The following UNC13B variants were observed in gnomAD, a reference collection of about 807,000 sequenced individuals.
UNC13B encodes the protein unc-13 homolog B.
A neutral mutation model predicts 211.0 loss-of-function variants in UNC13B; 144 were observed. The observed-to-expected ratio is 0.68, with a 90% CI of 0.60 to 0.78. The LOEUF (loss-of-function observed/expected upper bound fraction) is 0.78. Ranked by LOEUF, UNC13B falls within the 30% of genes least tolerant of loss-of-function variation. The probability of loss-of-function intolerance (pLI) is 0.00; values close to 1 mark genes in which losing one functional copy is unlikely to be tolerated. For missense variants in UNC13B, 1,777 were observed against 2,002.0 expected, an observed-to-expected ratio of 0.89 and a Z score of 2.14; for synonymous variants, 709 against 725.8, an observed-to-expected ratio of 0.98 and a Z score of 0.37.
intron 11 of UNC13B, among the ~76,000 whole-genome samples, chr9:35,337,778 G>A (rs1174541826): frequency 6.6e-6 from 1 of 152,204 alleles, no homozygotes. Flanking sequence ...AGAAACAGGG[G>A]CCTAAGCCAG....
chr9:35,321,197 T>G lies in UNC13B; in HGVS notation c.9414+7208T>G, dbSNP rs553475810. Among the ~76,000 whole-genome samples the G allele has an allele frequency of 5.3e-5, 8 of 152,248 alleles. No homozygotes were observed. In the East Asian group the frequency reaches 1.5e-3, roughly 29 times the overall value. On this transcript the variant is annotated intron_variant, in intron 11 of 39. Coordinates refer to ENST00000635942, the MANE Select transcript of UNC13B (RefSeq NM_001371189.2). ...GATTAATATTCTCTTATATAGGTAT[T>G]TTATAATATTCCTCTTGTTTCTTTC...
intron 11 of UNC13B, among the ~76,000 whole-genome samples, chr9:35,336,975 G>C (rs551674398): frequency 5.3e-5 from 8 of 152,208 alleles, no homozygotes; most frequent in Non-Finnish European, 1.0e-4. Context: ...GGATGAGATG[G>C]CACATTAAGT....
chr9:35,245,154 G>T (rs1826016329), intron 6 of UNC13B, among the ~76,000 whole-genome samples: 1 of 151,896 alleles, frequency 6.6e-6, no homozygotes, highest in South Asian at 2.1e-4. Flanking sequence ...TCCTAGTAAA[G>T]AAGCATGTTG....
chr9:35,279,147 A>G (rs892632984), intron 7 of UNC13B, among the ~76,000 whole-genome samples: 3 of 152,142 alleles, frequency 2.0e-5, no homozygotes, highest in African/African-American at 7.2e-5. Context: ...GTTCCAAAAC[A>G]TTTTTATCCC....
chr9:35,356,062 A>G (rs1399952445), intron 11 of UNC13B, among the ~76,000 whole-genome samples: 1 of 152,216 alleles, frequency 6.6e-6, no homozygotes, highest in African/African-American at 2.4e-5. Flanking sequence ...TAAAGCACCA[A>G]TAAGAAAGCA....
Position 35,370,304 on chromosome 9 carries a change from T to G in UNC13B, c.9462-14T>G, listed in dbSNP as rs1187048891. The G allele has an allele frequency of 6.2e-7, 1 of 1,613,080 alleles. No homozygotes were observed. The highest frequency in any genetic ancestry group is 8.5e-7 in the Non-Finnish European group (1 of 1,179,548). ...CAAGACTGACGGTCCTGACATATTTTCTTCTCTCCTCAGGCCAGCCGGAGG... is the reference window on the plus strand; with the variant it reads ...CAAGACTGACGGTCCTGACATATTTGCTTCTCTCCTCAGGCCAGCCGGAGG... On this transcript the variant is annotated splice_polypyrimidine_tract_variant and intron_variant, in intron 12 of 39. Coordinates refer to ENST00000635942, the MANE Select transcript of UNC13B (RefSeq NM_001371189.2).
chr9:35,266,174 C>A (rs1199612176), intron 7 of UNC13B, among the ~76,000 whole-genome samples: 1 of 152,160 alleles, frequency 6.6e-6, no homozygotes, highest in Non-Finnish European at 1.5e-5. Context: ...CTGTTAACTT[C>A]AGTTTCTTGA....
At chr9:35,396,337 C>A in intron 26 of UNC13B, 139 bp from the exon 27 acceptor site, 1 of 1,019,878 alleles carries the variant, frequency 9.8e-7, no homozygotes, top group Non-Finnish European at 1.4e-6. Flanking sequence ...GGAGAGATGG[C>A]TGTGAGAAGG....
chr9:35,291,092 G>A (rs778081466), intron 7 of UNC13B: 11 of 1,550,216 alleles, frequency 7.1e-6, no homozygotes, highest in Non-Finnish European at 9.6e-6. Flanking sequence ...TTTGGGCTGG[G>A]GAGAACAACA....
At position 35,399,380 on chromosome 9, in the gene UNC13B, C is replaced by T; in HGVS notation, c.12199-12C>T. 1 of 1,614,112 alleles carries T rather than the reference C, an allele frequency of 6.2e-7. No individual in the cohort carries two copies. The highest frequency in any genetic ancestry group is 1.1e-5 in the South Asian group (1 of 91,080). ...GGGTCCTCTGCTTTTGACTGATTCCCTCTCTGCCCAGGGCACCCAGCTGAT... is the reference window on the plus strand; with the variant it reads ...GGGTCCTCTGCTTTTGACTGATTCCTTCTCTGCCCAGGGCACCCAGCTGAT... On this transcript the variant is annotated splice_polypyrimidine_tract_variant and intron_variant, in intron 34 of 39. Coordinates refer to ENST00000635942, the MANE Select transcript of UNC13B (RefSeq NM_001371189.2).
intron 7 of UNC13B, among the ~76,000 whole-genome samples, chr9:35,272,900 A>G (rs921625698): frequency 3.3e-5 from 5 of 152,136 alleles, no homozygotes; most frequent in African/African-American, 4.8e-5. Flanking sequence ...TCTGGGGTCT[A>G]TGTTATTTCT....
chr9:35,305,119 G>T lies in UNC13B; in HGVS notation c.5715G>T (p.Gln1905His). Reference sequence around the variant, plus strand: ...AGAATTATGAGCTTCCCCAGGGCCAGTCATCCAAAGAGTCTGATAAAACAT... The same window carrying T: ...AGAATTATGAGCTTCCCCAGGGCCATTCATCCAAAGAGTCTGATAAAACAT... The part of the protein sequence containing the change: ...ERENYELPQG[Q>H]SSKESDKTLF... Residue 1905 changes from glutamine (Q) to histidine (H), a missense_variant, in exon 9 of 40, where the codon CAG becomes CAT. By Grantham distance (24) the Gln-to-His change is conservative. Transcript: ENST00000635942. The T allele has an allele frequency of 2.5e-6, 1 of 398,914 alleles. No homozygotes were observed. Among genetic ancestry groups the T allele is most frequent in the Non-Finnish European group, 4.4e-6 (1 of 225,992 alleles). 24.7% of individuals were successfully genotyped at this position (398,914 alleles called of 1,614,324 possible).
At chr9:35,320,371 A>G (rs1371810359) in intron 11 of UNC13B, among the ~76,000 whole-genome samples, 1 of 152,190 alleles carries the variant, frequency 6.6e-6, no homozygotes, top group East Asian at 1.9e-4. Flanking sequence ...CCTACCCCCA[A>G]AAGTATATGC....
chr9:35,398,942 G>C lies in UNC13B; in HGVS notation c.11982G>C (p.Arg3994=). The C allele has an allele frequency of 3.1e-6, 5 of 1,614,198 alleles. No individual in the cohort carries two copies. The highest frequency in any genetic ancestry group is 3.4e-6 in the Non-Finnish European group (4 of 1,180,036). ...TGGCCGACATCCTGGGCCAGGTTCG[G>C]GGCACAGGGAATGCATCTCCAGACG... ...RQMADILGQV[R]GTGNASPDAR... Residue 3994 remains arginine, a synonymous_variant, in exon 33 of 40, where the codon CGG becomes CGC. Coordinates refer to ENST00000635942, the MANE Select transcript of UNC13B (RefSeq NM_001371189.2).
rs1034870670 is a variant in UNC13B, at chr9:35,305,936, A to G, written c.6532A>G (p.Thr2178Ala). The G allele has an allele frequency of 1.3e-5, 5 of 398,848 alleles. No homozygotes were observed. The highest frequency in any genetic ancestry group is 1.0e-4 in the African/African-American group (5 of 48,612). The allele number at this position is 398,848 out of a possible 1,614,324, so 24.7% of individuals were successfully genotyped here. Residue 2178 changes from threonine (T) to alanine (A), a missense_variant, in exon 9 of 40, where the codon ACT (threonine) becomes GCT (alanine). By Grantham distance (58) the Thr-to-Ala change is moderately conservative. Transcript: ENST00000635942. ...SEKSENRASA[T>A]LPRAKSQAEG... The stretch of plus-strand genomic sequence containing the variant: ...AAAATCTGAGAACAGAGCCTCTGCT[A>G]CTCTACCAAGAGCCAAATCTCAGGC...
At chr9:35,270,264 A>G (rs1827799483) in intron 7 of UNC13B, among the ~76,000 whole-genome samples, 1 of 152,086 alleles carries the variant, frequency 6.6e-6, no homozygotes. Flanking sequence ...TCATACTGGT[A>G]TCACCAATTA....
At chr9:35,290,971 A>G in intron 7 of UNC13B, 1 of 1,218,314 alleles carries the variant, frequency 8.2e-7, no homozygotes, top group Non-Finnish European at 1.2e-6. Context: ...TAAGTAAGGT[A>G]AGGCACATAA....
At chr9:35,167,394 G>C (rs1249296301) in intron 1 of UNC13B, among the ~76,000 whole-genome samples, 2 of 152,036 alleles carry the variant, frequency 1.3e-5, no homozygotes, top group Non-Finnish European at 2.9e-5. Context: ...TGCATGGCCC[G>C]AGATAATTCT....
chr9:35,391,790 G>A (rs1238506279), intron 26 of UNC13B, among the ~76,000 whole-genome samples: 1 of 152,200 alleles, frequency 6.6e-6, no homozygotes, highest in Non-Finnish European at 1.5e-5. Context: ...AGTAGTGTGA[G>A]GTGGGGCAGA....
Sources: allele counts gnomAD v4.1 joint callset (sites outside exome capture counted in the v4.1 genomes callset), GRCh38; gene constraint gnomAD v4.1.1; transcripts MANE v1.5; gene names NCBI Gene and HGNC (gene_info 2026-07-23, HGNC 2026-07-21).